OAS2: variants seen among roughly 807,000 people sequenced by gnomAD.
OAS2 encodes the protein 2'-5'-oligoadenylate synthase 2.
OAS2 carries 67 observed loss-of-function variants against 71.3 expected under a neutral mutation model. The observed-to-expected ratio is 0.94, with a 90% confidence interval of 0.77 to 1.15. The LOEUF is 1.15. OAS2 is among the 50% of genes most tolerant of loss of function. OAS2 has a pLI of 0.00. For missense variants in OAS2, 789 were observed against 822.5 expected (o/e 0.96, Z 0.50); for synonymous variants, 327 against 321.8 (o/e 1.02, Z -0.17).
chr12:113,006,115 T>A (rs542890399), intron 7 of OAS2, among the ~76,000 whole-genome samples: 57 of 152,252 alleles, frequency 3.7e-4, no homozygotes, highest in African/African-American at 1.3e-3. Context: ...ACTAAATTTT[T>A]AATTTTCATT....
In OAS2 at chr12:113,006,428, G is replaced by T; in HGVS notation, c.1484G>T (p.Gly495Val). The T allele has an allele frequency of 6.4e-7, 1 of 1,568,230 alleles. No individual in the cohort carries two copies. The highest frequency in any genetic ancestry group is 1.3e-5 in the African/African-American group (1 of 74,338). The change falls in exon 8 of 10, where the codon GGC becomes GTC. Residue 495 changes from glycine (G) to valine (V), a missense_variant. Coordinates refer to ENST00000392583, the MANE Select transcript of OAS2 (RefSeq NM_002535.3). ...CTCATGCCAGGTCAGCTGAGTTCTG[G>T]CTCCACACCCAGCCCCGAGGTTTAT... is the stretch of plus-strand genomic sequence containing the variant. ...AFNALGQLSS[G>V]STPSPEVYAG...
chr12:113,000,102 T>C (rs2044270386), intron 5 of OAS2, among the ~76,000 whole-genome samples: 1 of 152,168 alleles, frequency 6.6e-6, no homozygotes, highest in Non-Finnish European at 1.5e-5. Flanking sequence ...CAGACATCTC[T>C]TTACCCTTAA....
At position 112,995,391 on chromosome 12, in the gene OAS2, A is replaced by G; in HGVS notation, c.544A>G (p.Thr182Ala). 1.2e-6 allele frequency: 2 copies of G among 1,614,186 alleles called. No individual in the cohort carries two copies. Among genetic ancestry groups the G allele is most frequent in the African/African-American group, 1.3e-5 (1 of 75,054 alleles). The change falls in exon 3 of 10, where the codon ACT (threonine) becomes GCT (alanine). Residue 182 changes from threonine to alanine, a missense_variant. Physicochemically the swap from Thr to Ala is moderately conservative, Grantham distance 58. Transcript: ENST00000392583. ...TCCTGGTGAGTTTGCAGTCTGCTTC[A>G]CTGAACTCCAGCAGAAGTTTTTTGA... ...ASPGEFAVCF[T>A]ELQQKFFDNR...
intron 2 of OAS2, among the ~76,000 whole-genome samples, chr12:112,994,728 ATG>A (rs2044220310): frequency 6.6e-6 from 1 of 152,124 alleles, no homozygotes; most frequent in Non-Finnish European, 1.5e-5. Flanking sequence ...GGCTAAATAA[ATG>A]TGTTTATAAA....
intron 5 of OAS2, among the ~76,000 whole-genome samples, chr12:113,002,460 C>A (rs572979701): frequency 7.4e-4 from 113 of 152,326 alleles, no homozygotes; most frequent in Non-Finnish European, 1.3e-3. Context: ...CCAACACACC[C>A]GCACATGGCG....
chr12:112,978,858 GT>G lies in OAS2; in HGVS notation c.177+74del, dbSNP rs2044053354. 6.9e-7 allele frequency: 1 copy of G among 1,443,590 alleles called. No homozygotes were observed. The highest frequency in any genetic ancestry group is 1.4e-5 in the African/African-American group (1 of 70,508). The allele number at this position is 1,443,590 out of a possible 1,614,324, so 89.4% of individuals were successfully genotyped here. A position where few individuals can be genotyped will look rare whatever the true frequency, so the allele number is the denominator to read the frequency against. On this transcript the variant is annotated intron_variant, in intron 1 of 9. Coordinates refer to ENST00000392583, the MANE Select transcript of OAS2 (RefSeq NM_002535.3). This position sits in a 1 kb window ranked among gnomAD's most constrained non-coding sequence, Gnocchi z 4.2. ...GGCGGCAGCAAGGCCGAGCTACTGG[GT>G]GCTGGGTGCCTATTATGTGCGAGGC...
rs925858139 is a variant in OAS2, at chr12:112,987,125, G to A, written c.265G>A (p.Asp89Asn). 1.2e-6 allele frequency: 2 copies of A among 1,614,042 alleles called. No homozygotes were observed. The highest frequency in any genetic ancestry group is 1.7e-6 in the Non-Finnish European group (2 of 1,180,008). Reference sequence around the variant, plus strand: ...CTTCAGTGACTTAAAACAATTCCAGGATCAGAAGAGAAGCCAACGTGACAT... The same window carrying A: ...CTTCAGTGACTTAAAACAATTCCAGAATCAGAAGAGAAGCCAACGTGACAT... ...LFFSDLKQFQ[D>N]QKRSQRDILD... Residue 89 changes from aspartate (D) to asparagine (N), a missense_variant, in exon 2 of 10, where the codon GAT becomes AAT. By Grantham distance (23) the Asp-to-Asn change is conservative. Transcript: ENST00000392583.
intron 9 of OAS2, among the ~76,000 whole-genome samples, chr12:113,008,235 G>A (rs771337515): frequency 3.3e-5 from 5 of 152,236 alleles, no homozygotes; most frequent in African/African-American, 9.6e-5. Flanking sequence ...TATCATTCAC[G>A]GGCCGATTTA....
At chr12:112,990,337 G>A (rs1372124793) in intron 2 of OAS2, among the ~76,000 whole-genome samples, 4 of 152,182 alleles carry the variant, frequency 2.6e-5, no homozygotes, top group African/African-American at 9.7e-5. Context: ...CATTGATTCA[G>A]CCTGGAAAGG....
chr12:113,001,198 T>C (rs2044283840), intron 5 of OAS2, among the ~76,000 whole-genome samples: 2 of 151,344 alleles, frequency 1.3e-5, no homozygotes, highest in Non-Finnish European at 2.9e-5. Flanking sequence ...AATAAATAAA[T>C]TAGCTGTAGT....
chr12:112,990,647 C>T (rs1442854811), intron 2 of OAS2, among the ~76,000 whole-genome samples: 4 of 152,170 alleles, frequency 2.6e-5, no homozygotes, highest in Non-Finnish European at 5.9e-5. Flanking sequence ...CTTTGCAGGG[C>T]CATTCCAATA....
At chr12:112,997,193 T>C (rs1565994235) in intron 3 of OAS2, among the ~76,000 whole-genome samples, 1 of 152,204 alleles carries the variant, frequency 6.6e-6, no homozygotes, top group Non-Finnish European at 1.5e-5. Flanking sequence ...CCTGAACTAC[T>C]GTATTTTTGC....
intron 5 of OAS2, among the ~76,000 whole-genome samples, chr12:113,001,657 C>G (rs1043983589): frequency 2.0e-5 from 3 of 151,322 alleles, no homozygotes; most frequent in Middle Eastern, 6.9e-3. Flanking sequence ...CTCTCTACTT[C>G]CAACATCACA....
At chr12:113,006,214 G>T (rs532810748) in intron 7 of OAS2, among the ~76,000 whole-genome samples, 199 bp from the exon 8 acceptor site, 1 of 152,164 alleles carries the variant, frequency 6.6e-6, no homozygotes, top group Non-Finnish European at 1.5e-5. Flanking sequence ...AATACCAGCT[G>T]CACCTGTGTA....
intron 7 of OAS2, 62 bp from the exon 8 acceptor site, chr12:113,006,351 T>G: frequency 2.2e-6 from 3 of 1,335,090 alleles, no homozygotes; most frequent in South Asian, 3.7e-5. Context: ...GTCAAAAATG[T>G]TTTGGAATCT....
intron 1 of OAS2, among the ~76,000 whole-genome samples, chr12:112,982,685 CATAGA>C (rs1165296487): frequency 6.6e-6 from 1 of 152,168 alleles, no homozygotes; most frequent in East Asian, 1.9e-4. Flanking sequence ...ATGCTGACTT[CATAGA>C]AGTGGTTAGG....
At position 113,007,962 on chromosome 12, in the gene OAS2, C is replaced by T. The variant is rs756793212; in HGVS notation, c.1895+19C>T. The stretch of plus-strand genomic sequence containing the variant: ...AAACCAGGTGCCTTCACCCTAGCCC[C>T]GTACTTTTCTTAACCTGATTCCCTT... On this transcript the variant is annotated intron_variant, in intron 9 of 9. Coordinates refer to ENST00000392583, the MANE Select transcript of OAS2 (RefSeq NM_002535.3). 85 of 1,572,098 alleles carry T rather than the reference C, an allele frequency of 5.4e-5. 1 individual carries two copies. In the Admixed American group the frequency reaches 1.0e-3, roughly 19 times the overall value.
chr12:112,985,918 G>T (rs1184741442), intron 1 of OAS2, among the ~76,000 whole-genome samples: 1 of 152,210 alleles, frequency 6.6e-6, no homozygotes, highest in African/African-American at 2.4e-5. Flanking sequence ...GTTACAGTGA[G>T]ATATGATTGT....
chr12:113,004,922 T>C lies in OAS2; in HGVS notation c.1180-12T>C, dbSNP rs1446400281. The C allele has an allele frequency of 4.3e-6, 7 of 1,610,944 alleles. No homozygotes were observed. Among genetic ancestry groups the C allele is most frequent in the African/African-American group, 1.3e-5 (1 of 74,764 alleles). On this transcript the variant is annotated splice_polypyrimidine_tract_variant and intron_variant, in intron 6 of 9. Coordinates refer to ENST00000392583, the MANE Select transcript of OAS2 (RefSeq NM_002535.3). ...AGGAAATTCTGGATCTCAACCTTCCTTTCTTCCTTAGGGAGGATCAACCGC... is the reference window on the plus strand; with the variant it reads ...AGGAAATTCTGGATCTCAACCTTCCCTTCTTCCTTAGGGAGGATCAACCGC...
Sources: allele counts gnomAD v4.1 joint callset (sites outside exome capture counted in the v4.1 genomes callset), GRCh38; gene constraint gnomAD v4.1.1; non-coding constraint Gnocchi (gnomAD v3.1); transcripts MANE v1.5; gene names NCBI Gene and HGNC (gene_info 2026-07-23, HGNC 2026-07-21).